Variants in SOCS5 observed in about 807,000 individuals in gnomAD.
SOCS5 encodes CIS-6.
SOCS5 carries 32 observed loss-of-function variants against 42.8 expected under a neutral mutation model. That is an observed-to-expected ratio of 0.75 (90% CI 0.56 to 1.01). SOCS5 has a LOEUF of 1.01. SOCS5 is among the 50% of genes least tolerant of loss of function. SOCS5 has a pLI of 0.00. For synonymous variants in SOCS5, 283 were observed against 229.6 expected (o/e 1.23, Z -2.10); for missense variants, 627 against 653.0 (o/e 0.96, Z 0.43).
Position 46,731,143 on chromosome 2 carries a change from T to G in SOCS5, c.-12-27376T>G, listed in dbSNP as rs41359846. Among the ~76,000 whole-genome samples, 531 of 152,224 alleles carry G rather than the reference T, an allele frequency of 3.5e-3. 2 individuals carry two copies. The highest frequency in any genetic ancestry group is 0.012 in the African/African-American group (479 of 41,534). On this transcript the variant is annotated intron_variant, in intron 1 of 1. Transcript: ENST00000394861. ...GCTGCTGTAGACTGAATGTTCGTAT[T>G]CCCCCCAAAATTCATATGTTGAAAC...
At chr2:46,756,926 C>T (rs1350371852) in intron 1 of SOCS5, among the ~76,000 whole-genome samples, 2 of 152,138 alleles carry the variant, frequency 1.3e-5, no homozygotes, top group African/African-American at 4.8e-5. Flanking sequence ...ACAGAGGAGG[C>T]CGTGTTCTAA....
chr2:46,712,375 G>A (rs374765702), intron 1 of SOCS5, among the ~76,000 whole-genome samples: 174 of 113,262 alleles, frequency 1.5e-3, no homozygotes, highest in African/African-American at 4.8e-3. Flanking sequence ...ACACAGTCTC[G>A]CTCTGTTGCC....
chr2:46,701,987 A>C (rs867537896), intron 1 of SOCS5, among the ~76,000 whole-genome samples: 7 of 151,826 alleles, frequency 4.6e-5, no homozygotes, highest in Non-Finnish European at 7.4e-5. Context: ...CATCATTCCT[A>C]TCATAGTTAT....
At chr2:46,749,726 A>G (rs1468552935) in intron 1 of SOCS5, among the ~76,000 whole-genome samples, 2 of 152,088 alleles carry the variant, frequency 1.3e-5, no homozygotes, top group African/African-American at 4.8e-5. Flanking sequence ...CAGATTAGCT[A>G]TCCTTAGTTT....
intron 1 of SOCS5, among the ~76,000 whole-genome samples, chr2:46,743,624 C>T (rs1224347866): frequency 6.6e-6 from 1 of 152,132 alleles, no homozygotes; most frequent in African/African-American, 2.4e-5. Flanking sequence ...ACTTAGAATG[C>T]CTTAACCATT....
chr2:46,722,372 T>A (rs900104287), intron 1 of SOCS5, among the ~76,000 whole-genome samples: 1 of 152,168 alleles, frequency 6.6e-6, no homozygotes, highest in Non-Finnish European at 1.5e-5. Flanking sequence ...GTCTGCTTTT[T>A]CAATTAGTCT....
chr2:46,727,326 C>G (rs550510620), intron 1 of SOCS5, among the ~76,000 whole-genome samples: 1 of 152,200 alleles, frequency 6.6e-6, no homozygotes, highest in Admixed American at 6.5e-5. Context: ...TCAGATAATT[C>G]AAATACTGTG....
At chr2:46,732,156 A>G (rs1436923746) in intron 1 of SOCS5, among the ~76,000 whole-genome samples, 1 of 152,212 alleles carries the variant, frequency 6.6e-6, no homozygotes, top group Non-Finnish European at 1.5e-5. Flanking sequence ...AATGGGATTC[A>G]TGTGTTCATG....
chr2:46,735,260 C>T (rs935150635), intron 1 of SOCS5, among the ~76,000 whole-genome samples: 1 of 152,168 alleles, frequency 6.6e-6, no homozygotes, highest in Non-Finnish European at 1.5e-5. Context: ...AGATTTGACC[C>T]TTGTCCTTAT....
At position 46,759,350 on chromosome 2, in the gene SOCS5, G is replaced by T; in HGVS notation, c.820G>T (p.Glu274Ter). ...AGAGAGAAGGCGGCTTAGTATTGAAGAAGGGGTTGATCCCCCTCCCAATGC... is the reference window on the plus strand; with the variant it reads ...AGAGAGAAGGCGGCTTAGTATTGAATAAGGGGTTGATCCCCCTCCCAATGC... ...LRERRRLSIE[E>*]GVDPPPNAQI... The change falls in exon 2 of 2, where the codon GAA becomes TAA. Residue 274 changes from glutamate (E) to a stop codon, truncating the protein, a stop_gained. Transcript: ENST00000394861. LOFTEE classifies it high-confidence loss of function. 1 of 1,613,968 alleles carries T rather than the reference G, an allele frequency of 6.2e-7. No individual in the cohort carries two copies.
chr2:46,749,770 A>C (rs1334728377), intron 1 of SOCS5, among the ~76,000 whole-genome samples: 1 of 152,180 alleles, frequency 6.6e-6, no homozygotes, highest in Non-Finnish European at 1.5e-5. Context: ...TGGCTTAGGA[A>C]CATTGAAATG....
chr2:46,743,732 A>T (rs767041524), intron 1 of SOCS5, among the ~76,000 whole-genome samples: 3 of 152,216 alleles, frequency 2.0e-5, no homozygotes, highest in Non-Finnish European at 4.4e-5. Flanking sequence ...TTGAACATTT[A>T]GTATAATGAT....
intron 1 of SOCS5, among the ~76,000 whole-genome samples, chr2:46,738,974 G>A (rs908549217): frequency 1.3e-5 from 2 of 152,174 alleles, no homozygotes; most frequent in Admixed American, 6.5e-5. Flanking sequence ...GCTGAATAAT[G>A]TCATATCAAT....
At chr2:46,713,708 G>T (rs1447975713) in intron 1 of SOCS5, among the ~76,000 whole-genome samples, 1 of 151,602 alleles carries the variant, frequency 6.6e-6, no homozygotes, top group Non-Finnish European at 1.5e-5. Context: ...GGTTTAATTT[G>T]CTCTTTTTTC....
intron 1 of SOCS5, among the ~76,000 whole-genome samples, chr2:46,711,760 G>C (rs1472199822): frequency 1.3e-5 from 2 of 152,190 alleles, no homozygotes; most frequent in African/African-American, 2.4e-5. Context: ...TGTGTATTGA[G>C]GTGATAATTT....
rs1673548105 is a variant in SOCS5, at chr2:46,748,205, T to G, written c.-12-10314T>G. On this transcript the variant is annotated intron_variant, in intron 1 of 1. Coordinates refer to ENST00000394861, the MANE Select transcript of SOCS5 (RefSeq NM_144949.3). The stretch of plus-strand genomic sequence containing the variant: ...TTTCTTTTTCTTTTTTTTTTTTTTT[T>G]GACACAGTCTCACTCTGTCACCCAG... 1.0e-4 allele frequency among the ~76,000 whole-genome samples: 15 copies of G among 148,682 alleles called. No homozygotes were observed. The South Asian group carries it at 3.1e-3, about 31-fold the overall frequency.
rs11373537 is a variant in SOCS5, at chr2:46,746,922, C to CTTTTTTT, written c.-12-11582_-12-11576dup. Among the ~76,000 whole-genome samples, 86 of 70,804 alleles carry CTTTTTTT rather than the reference C, an allele frequency of 1.2e-3. 2 individuals carry two copies. Among genetic ancestry groups the CTTTTTTT allele is most frequent in the African/African-American group, 1.9e-3 (40 of 21,336 alleles). 46.5% of individuals were successfully genotyped at this position (70,804 alleles called of 152,430 possible). On this transcript the variant is annotated intron_variant, in intron 1 of 1. Coordinates refer to ENST00000394861, the MANE Select transcript of SOCS5 (RefSeq NM_144949.3). ...TTTTCCAATTTGCATGACTTTATTT[C>CTTTTTTT]TTTTTTTTTTTTTTTTTTTTTGCCT...
chr2:46,731,438 C>G (rs568275635), intron 1 of SOCS5, among the ~76,000 whole-genome samples: 2 of 152,304 alleles, frequency 1.3e-5, no homozygotes, highest in East Asian at 1.9e-4. Flanking sequence ...GTGTATAAAC[C>G]ACCCTGTTTA....
At chr2:46,726,550 C>G (rs1181965837) in intron 1 of SOCS5, among the ~76,000 whole-genome samples, 1 of 152,046 alleles carries the variant, frequency 6.6e-6, no homozygotes, top group Non-Finnish European at 1.5e-5. Context: ...ACCAGTGACA[C>G]GAATGTCAGA....
Sources: gnomAD v4.1 joint callset for allele counts (sites outside exome capture counted in the v4.1 genomes callset) on GRCh38, gnomAD v4.1.1 for gene constraint, MANE v1.5 for transcripts, NCBI Gene and HGNC (gene_info 2026-07-23, HGNC 2026-07-21) for gene names.